The following ZNF814 variants were observed in gnomAD, a reference collection of about 807,000 sequenced individuals.
The protein encoded by ZNF814 is zinc finger protein 814.
A neutral mutation model predicts 7.5 loss-of-function variants in ZNF814; 5 were observed. That is an observed-to-expected ratio of 0.67 (90% CI 0.35 to 1.40). The LOEUF (loss-of-function observed/expected upper bound fraction) is 1.40, where lower values mean the gene tolerates loss of function less well. Ranked by LOEUF, ZNF814 falls within the 40% of genes most tolerant of loss-of-function variation. ZNF814 has a pLI of 0.04. For missense variants in ZNF814, 962 were observed against 1,018.0 expected, an observed-to-expected ratio of 0.94 and a Z score of 0.75; for synonymous variants, 315 against 340.7, an observed-to-expected ratio of 0.92 and a Z score of 0.83.
rs567048240 is a variant in ZNF814 at position 57,888,858 on chromosome 19, T to C, written c.-56A>G. 9 of 1,541,124 alleles carry C rather than the reference T, an allele frequency of 5.8e-6. No homozygotes were observed. The African/African-American group carries it at 6.9e-5, about 12-fold the overall frequency. On this transcript the variant is annotated 5_prime_UTR_variant, in exon 1 of 3. Coordinates refer to ENST00000435989, the MANE Select transcript of ZNF814 (RefSeq NM_001144989.2). Reference sequence around the variant, plus strand: ...GGATAGGGCGACCAGCCAGGAGATATGGGCACGACGGTCCGTATCCTGGCC... The same window carrying C: ...GGATAGGGCGACCAGCCAGGAGATACGGGCACGACGGTCCGTATCCTGGCC...
Position 57,873,323 on chromosome 19 carries a change from T to TA in ZNF814, c.2066dup (p.Cys690MetfsTer2). ...TAAATAATTTTCCACATTCCCTACA[T>TA]ACATAAGGTCTTTCTCCAGTATGGC... On this transcript the variant is annotated frameshift_variant, in exon 3 of 3. Transcript: ENST00000435989. LOFTEE classifies it low-confidence loss of function (END_TRUNC). 2 of 1,590,180 alleles carry TA rather than the reference T, an allele frequency of 1.3e-6. No individual in the cohort carries two copies. Among genetic ancestry groups the TA allele is most frequent in the Non-Finnish European group, 1.7e-6 (2 of 1,167,728 alleles).
chr19:57,894,826 T>C, the ZNF814 span, among the ~76,000 whole-genome samples: 5 of 148,350 alleles, frequency 3.4e-5, 1 homozygote, highest in East Asian at 9.9e-4. Flanking sequence ...AGAGCGAGAC[T>C]CCGTCTCAGA....
In ZNF814 at chr19:57,869,942, C is replaced by CAAAAAAAAAAAAAAAAAAAAAAA. The variant is rs57591690; in HGVS notation, c.*2879_*2880insTTTTTTTTTTTTTTTTTTTTTTT. On this transcript the variant is annotated 3_prime_UTR_variant, in exon 3 of 3. Transcript: ENST00000435989. ...CCTGGCTGACAGTGAGACTCTGTCTCAAAAAAAAAAAAAAAAGGTTGGGCA... is the reference window on the plus strand; with the variant it reads ...CCTGGCTGACAGTGAGACTCTGTCTCAAAAAAAAAAAAAAAAAAAAAAAAAAAAAAAAAAAAAAAGGTTGGGCA... The CAAAAAAAAAAAAAAAAAAAAAAA allele has an allele frequency of 1.5e-4, 20 of 133,388 alleles. No homozygotes were observed. The highest frequency in any genetic ancestry group is 6.0e-4 in the African/African-American group (20 of 33,414). The allele number at this position is 133,388 out of a possible 1,614,324, so 8.3% of individuals were successfully genotyped here.
chr19:57,895,882 A>C, the ZNF814 span, among the ~76,000 whole-genome samples: 2 of 152,184 alleles, frequency 1.3e-5, no homozygotes, highest in African/African-American at 4.8e-5. Context: ...AAGAAAAGTA[A>C]ATTTGTTAAG....
At chr19:57,875,576 A>G (rs1173827873) in intron 2 of ZNF814, among the ~76,000 whole-genome samples, 2 of 152,232 alleles carry the variant, frequency 1.3e-5, no homozygotes, top group African/African-American at 4.8e-5. Flanking sequence ...CACAAGCACA[A>G]CACAGCAGCT....
intron 1 of ZNF814, among the ~76,000 whole-genome samples, chr19:57,880,330 G>C (rs944237431): frequency 7.4e-5 from 10 of 134,722 alleles, no homozygotes; most frequent in Non-Finnish European, 1.5e-4. Context: ...CTCCAATGTG[G>C]AGCCAGGCAG....
In ZNF814 at chr19:57,873,145, A is replaced by T; in HGVS notation, c.2245T>A (p.Cys749Ser). The T allele has an allele frequency of 1.2e-6, 2 of 1,613,876 alleles. No homozygotes were observed. The highest frequency in any genetic ancestry group is 8.5e-7 in the Non-Finnish European group (1 of 1,179,942). Residue 749 changes from cysteine to serine, a missense_variant, in exon 3 of 3, where the codon TGT becomes AGT. Transcript: ENST00000435989. ...GAGCTGTGGGTAAATGATTTTCCACAATCATTGCATTCATAAGGCCTTTCT... is the reference window on the plus strand; with the variant it reads ...GAGCTGTGGGTAAATGATTTTCCACTATCATTGCATTCATAAGGCCTTTCT... The part of the protein sequence containing the change: ...TGERPYECND[C>S]GKSFTHSSTF...
chr19:57,890,085 T>C (rs2071726478), upstream of ZNF814, among the ~76,000 whole-genome samples: 1 of 152,132 alleles, frequency 6.6e-6, no homozygotes, highest in Admixed American at 6.5e-5. Context: ...CAGATGGTCC[T>C]TCAGATGCAA....
At chr19:57,903,124 T>C in the ZNF814 span, among the ~76,000 whole-genome samples, 7 of 152,192 alleles carry the variant, frequency 4.6e-5, no homozygotes, top group Non-Finnish European at 8.8e-5. Flanking sequence ...TGTCTCTAAA[T>C]AGACCATGGG....
At chr19:57,899,035 A>C in the ZNF814 span, among the ~76,000 whole-genome samples, 4 of 152,204 alleles carry the variant, frequency 2.6e-5, no homozygotes, top group African/African-American at 9.6e-5. Flanking sequence ...CCATGGGCTC[A>C]CTGCAACCAG....
At chr19:57,891,240 T>C (rs975616462), upstream of ZNF814, among the ~76,000 whole-genome samples, 1 of 152,054 alleles carries the variant, frequency 6.6e-6, no homozygotes, top group Non-Finnish European at 1.5e-5. Flanking sequence ...AATCAAGAAA[T>C]AGGGGCCAGG....
At chr19:57,897,157 G>A in the ZNF814 span, among the ~76,000 whole-genome samples, 3 of 152,166 alleles carry the variant, frequency 2.0e-5, no homozygotes, top group Non-Finnish European at 4.4e-5. Flanking sequence ...AACAGCTCAA[G>A]ATGTTGTAAT....
chr19:57,901,177 T>A, the ZNF814 span, among the ~76,000 whole-genome samples: 1 of 152,136 alleles, frequency 6.6e-6, no homozygotes, highest in Non-Finnish European at 1.5e-5. Flanking sequence ...TTACTCATAC[T>A]ACAAGTATTC....
At position 57,872,823 on chromosome 19, in the gene ZNF814, C is replaced by T. The variant is rs1267264281; in HGVS notation, c.2567G>A (p.Ter856=). The T allele has an allele frequency of 1.2e-6, 2 of 1,611,406 alleles. No individual in the cohort carries two copies. Among genetic ancestry groups the T allele is most frequent in the African/African-American group, 1.3e-5 (1 of 74,730 alleles). The part of the protein sequence containing the change: ...HQSSHWRKAI[*] Reference sequence around the variant, plus strand: ...AAAACTTTCTGACAATCCTCACACTCATATGGCTTTTCTCCAGTGTGAACT... The same window carrying T: ...AAAACTTTCTGACAATCCTCACACTTATATGGCTTTTCTCCAGTGTGAACT... Residue 856 remains the stop codon, a stop_retained_variant, in exon 3 of 3, where the codon TGA becomes TAA. Transcript: ENST00000435989.
Position 57,886,196 on chromosome 19 carries a change from T to C in ZNF814, c.36+2571A>G, listed in dbSNP as rs114028383. On this transcript the variant is annotated intron_variant, in intron 1 of 2. Transcript: ENST00000435989. ...TCCTTATCTGAGTTCCTAAAATGCT[T>C]CTAAGTGCTTGGAGGAGAGGCAGAC... 5.8e-3 allele frequency among the ~76,000 whole-genome samples: 881 copies of C among 152,058 alleles called. 15 individuals are homozygous for C. Among genetic ancestry groups the C allele is most frequent in the African/African-American group, 0.02 (836 of 41,486 alleles).
chr19:57,894,707 G>T, the ZNF814 span, among the ~76,000 whole-genome samples: 1 of 151,768 alleles, frequency 6.6e-6, no homozygotes, highest in Non-Finnish European at 1.5e-5. Context: ...GGTGGCGGGT[G>T]CCTGTAGTCC....
the ZNF814 span, among the ~76,000 whole-genome samples, chr19:57,894,851 AT>A: frequency 1.3e-5 from 2 of 151,938 alleles, no homozygotes; most frequent in African/African-American, 4.8e-5. Context: ...AAAAAAAAAA[AT>A]CATAGCCACA....
chr19:57,884,442 A>G (rs1469814270), intron 1 of ZNF814, among the ~76,000 whole-genome samples: 3 of 152,054 alleles, frequency 2.0e-5, no homozygotes, highest in Non-Finnish European at 2.9e-5. Context: ...TGAGACCCCC[A>G]TCTCTACAAA....
the ZNF814 span, among the ~76,000 whole-genome samples, chr19:57,903,754 CCTTTTAAT>C: frequency 6.6e-6 from 1 of 152,214 alleles, no homozygotes; most frequent in Non-Finnish European, 1.5e-5. Flanking sequence ...TGTGCTGTCT[CCTTTTAAT>C]CTACAGATGC....
Sources: gnomAD v4.1 joint callset for allele counts (sites outside exome capture counted in the v4.1 genomes callset) on GRCh38, gnomAD v4.1.1 for gene constraint, MANE v1.5 for transcripts, NCBI Gene and HGNC (gene_info 2026-07-23, HGNC 2026-07-21) for gene names.